The following RNPS1 variants were observed in gnomAD, a reference collection of about 807,000 sequenced individuals.
RNPS1 encodes RNA-binding protein with serine-rich domain 1.
For synonymous variants in RNPS1, 147 were observed against 150.0 expected, an observed-to-expected ratio of 0.98 and a Z score of 0.15; for missense variants, 300 against 427.6, an observed-to-expected ratio of 0.70 and a Z score of 2.63.
chr16:2,259,759 G>A (rs1047239065), intron 6 of RNPS1, among the ~76,000 whole-genome samples: 3 of 152,078 alleles, frequency 2.0e-5, no homozygotes, highest in African/African-American at 2.4e-5. Flanking sequence ...TGTGGTGGCC[G>A]GTGCCTGCAG....
At position 2,268,075 on chromosome 16, in the gene RNPS1, T is replaced by C. The variant is rs1162597480; in HGVS notation, c.-138A>G. ...CTTACATCTTCCCGCCGCCGCCACC[T>C]CCTCCTGCTTTCCTCAGCCGCCGAG... On this transcript the variant is annotated 5_prime_UTR_variant, in exon 1 of 8. Transcript: ENST00000320225. The C allele has an allele frequency of 6.5e-7, 1 of 1,535,154 alleles. No individual in the cohort carries two copies. Among genetic ancestry groups the C allele is most frequent in the South Asian group, 1.2e-5 (1 of 84,028 alleles).
chr16:2,254,724 C>G (rs761495286), intron 7 of RNPS1, among the ~76,000 whole-genome samples: 2 of 148,554 alleles, frequency 1.3e-5, no homozygotes, highest in African/African-American at 5.0e-5. Context: ...TGCTACCACA[C>G]GTGGCAAAGT....
intron 6 of RNPS1, among the ~76,000 whole-genome samples, chr16:2,259,374 G>A (rs2093592669): frequency 1.3e-5 from 2 of 152,128 alleles, no homozygotes; most frequent in Non-Finnish European, 2.9e-5. Context: ...TTAAATTATT[G>A]TGTGCCACAG....
At chr16:2,261,322 C>A (rs2093602174) in intron 6 of RNPS1, among the ~76,000 whole-genome samples, 2 of 152,084 alleles carry the variant, frequency 1.3e-5, no homozygotes, top group South Asian at 4.1e-4. Context: ...GCTGTTGCAT[C>A]CTATTACGTT....
Position 2,254,072 on chromosome 16 carries a change from A to C in RNPS1, c.819-9T>G. 1 of 1,471,788 alleles carries C rather than the reference A, an allele frequency of 6.8e-7. No homozygotes were observed. Among genetic ancestry groups the C allele is most frequent in the South Asian group, 1.4e-5 (1 of 70,828 alleles). 91.2% of individuals were successfully genotyped at this position (1,471,788 alleles called of 1,614,324 possible). On this transcript the variant is annotated splice_polypyrimidine_tract_variant and intron_variant, in intron 7 of 7. Transcript: ENST00000320225. Reference sequence around the variant, plus strand: ...GCCTCGGGGAGCGGGACCTGCGGGAAGAGGAGAAACCACATCAGAGTAGCT... The same window carrying C: ...GCCTCGGGGAGCGGGACCTGCGGGACGAGGAGAAACCACATCAGAGTAGCT...
At chr16:2,256,023 G>A (rs1359370919) in intron 6 of RNPS1, 1 of 342,454 alleles carries the variant, frequency 2.9e-6, no homozygotes, top group Non-Finnish European at 5.5e-6. Flanking sequence ...TACTCGGGAG[G>A]CTGAGGCAGG....
intron 1 of RNPS1, chr16:2,265,052 C>T (rs1310436091): frequency 1.1e-5 from 2 of 179,574 alleles, no homozygotes; most frequent in Non-Finnish European, 2.4e-5. Flanking sequence ...TTTTCACCCA[C>T]AAGTTTGATG....
chr16:2,253,304 C>T lies in RNPS1; in HGVS notation c.*660G>A, dbSNP rs1162199317. 2.0e-5 allele frequency: 3 copies of T among 152,714 alleles called. No homozygotes were observed. The highest frequency in any genetic ancestry group is 2.9e-5 in the Non-Finnish European group (2 of 68,272). 9.5% of individuals were successfully genotyped at this position (152,714 alleles called of 1,614,324 possible). A position where few individuals can be genotyped will look rare whatever the true frequency, so the allele number is the denominator to read the frequency against. On this transcript the variant is annotated 3_prime_UTR_variant, in exon 8 of 8. Coordinates refer to ENST00000320225, the MANE Select transcript of RNPS1 (RefSeq NM_080594.4). ...GCAATGTACATGTTGCCAAGATAAC[C>T]TGAAAGACCACCATGAACGGCAGGC...
chr16:2,263,201 C>A lies in RNPS1; in HGVS notation c.314G>T (p.Arg105Leu), dbSNP rs138401688. ...SGSSSSSASS[R>L]SGSSSTSRSS... Reference sequence around the variant, plus strand: ...GCGGGAGGTGCTGGAGCTTCCTGAGCGGCTGGATGCTGAGGAAGAGCTGGA... The same window carrying A: ...GCGGGAGGTGCTGGAGCTTCCTGAGAGGCTGGATGCTGAGGAAGAGCTGGA... Residue 105 changes from arginine (R) to leucine (L), a missense_variant, in exon 4 of 8, where the codon CGC (arginine) becomes CTC (leucine). Physicochemically the swap from Arg to Leu is moderately radical, Grantham distance 102 (BLOSUM62 -2). Coordinates refer to ENST00000320225, the MANE Select transcript of RNPS1 (RefSeq NM_080594.4). The A allele has an allele frequency of 1.9e-6, 3 of 1,613,598 alleles. No homozygotes were observed. The East Asian group carries it at 6.7e-5, about 36-fold the overall frequency.
In RNPS1 at chr16:2,253,828, G is replaced by C. The variant is rs1289030108; in HGVS notation, c.*136C>G. On this transcript the variant is annotated 3_prime_UTR_variant, in exon 8 of 8. Coordinates refer to ENST00000320225, the MANE Select transcript of RNPS1 (RefSeq NM_080594.4). Reference sequence around the variant, plus strand: ...CTGCAGCCGGGGCCCGGCTGGCAGAGGGGTGCTGCCTGCTGCCTGCAAATC... The same window carrying C: ...CTGCAGCCGGGGCCCGGCTGGCAGACGGGTGCTGCCTGCTGCCTGCAAATC... 2.5e-6 allele frequency: 2 copies of C among 786,910 alleles called. No homozygotes were observed. The highest frequency in any genetic ancestry group is 4.5e-6 in the Non-Finnish European group (2 of 449,424). The allele number at this position is 786,910 out of a possible 1,614,324, so 48.7% of individuals were successfully genotyped here. A position where few individuals can be genotyped will look rare whatever the true frequency, so the allele number is the denominator to read the frequency against.
chr16:2,262,595 TC>T, intron 5 of RNPS1, 144 bp downstream of exon 5: 1 of 935,016 alleles, frequency 1.1e-6, no homozygotes, highest in Non-Finnish European at 1.6e-6. Context: ...GTATTAATGG[TC>T]CACCAAGAGG....
Position 2,263,037 on chromosome 16 carries a change from GATGGTAA to G in RNPS1, c.419+52_419+58del, listed in dbSNP as rs1409459946. ...CCTTTTGGGTCCCTTTTATAACCTC[GATGGTAA>G]ATCTGTAGCCCCGAGCTTGTAAACT... On this transcript the variant is annotated intron_variant, in intron 4 of 7. Transcript: ENST00000320225. The G allele has an allele frequency of 2.6e-6, 4 of 1,547,564 alleles. No individual in the cohort carries two copies. In the Admixed American group the frequency reaches 7.2e-5, roughly 28 times the overall value.
At chr16:2,262,713 C>A in intron 5 of RNPS1, 27 bp downstream of exon 5, 1 of 1,587,164 alleles carries the variant, frequency 6.3e-7, no homozygotes, top group Non-Finnish European at 8.6e-7. Flanking sequence ...CACCCCACTG[C>A]CCACAGGAGA....
Position 2,253,597 on chromosome 16 carries a change from G to A in RNPS1, c.*367C>T. The stretch of plus-strand genomic sequence containing the variant: ...AGGACACTGCCCAGCAACAGCAAGG[G>A]CACGGCCTGGCCACCATCCCAGGTC... On this transcript the variant is annotated 3_prime_UTR_variant, in exon 8 of 8. Coordinates refer to ENST00000320225, the MANE Select transcript of RNPS1 (RefSeq NM_080594.4). 2.6e-6 allele frequency: 1 copy of A among 382,852 alleles called. No individual in the cohort carries two copies. The highest frequency in any genetic ancestry group is 4.9e-6 in the Non-Finnish European group (1 of 203,640). 23.7% of individuals were successfully genotyped at this position (382,852 alleles called of 1,614,324 possible).
intron 5 of RNPS1, 98 bp from the exon 6 acceptor site, chr16:2,262,529 A>C: frequency 1.5e-6 from 2 of 1,318,730 alleles, no homozygotes; most frequent in Non-Finnish European, 1.1e-6. Flanking sequence ...CGGCAGGGTA[A>C]AACATTCCAT....
chr16:2,260,221 T>C (rs989169186), intron 6 of RNPS1, among the ~76,000 whole-genome samples: 2 of 142,822 alleles, frequency 1.4e-5, no homozygotes, highest in African/African-American at 5.1e-5. Flanking sequence ...AGTGGCGTAA[T>C]CTTGGCTCGC....
At chr16:2,256,937 G>C (rs1446021820) in intron 6 of RNPS1, 3 of 152,302 alleles carry the variant, frequency 2.0e-5, no homozygotes, top group Non-Finnish European at 4.4e-5. Context: ...GTGATGGATG[G>C]GATGGGGGTG....
chr16:2,262,018 T>C (rs1449656361), intron 6 of RNPS1, among the ~76,000 whole-genome samples: 1 of 152,230 alleles, frequency 6.6e-6, no homozygotes, highest in East Asian at 1.9e-4. Context: ...CTGGCAATAA[T>C]TTCCAGGCCT....
intron 6 of RNPS1, chr16:2,256,688 C>T (rs1382775899): frequency 6.6e-6 from 1 of 152,444 alleles, no homozygotes; most frequent in African/African-American, 2.4e-5. Context: ...GAGTGACAGG[C>T]AAACAGAAGG....
Sources: allele counts gnomAD v4.1 joint callset (sites outside exome capture counted in the v4.1 genomes callset), GRCh38; gene constraint gnomAD v4.1.1; transcripts MANE v1.5; gene names NCBI Gene and HGNC (gene_info 2026-07-23, HGNC 2026-07-21).